CNTLN: variants seen among roughly 807,000 people sequenced by gnomAD.
CNTLN encodes centlein.
A neutral mutation model predicts 180.0 loss-of-function variants in CNTLN; 212 were observed. The ratio of observed to expected loss-of-function variants is 1.18; its 90% CI spans 1.05 to 1.32. The LOEUF (loss-of-function observed/expected upper bound fraction) is 1.32, where lower values mean the gene tolerates loss of function less well. Among genes scored for constraint, CNTLN ranks in the 40% most tolerant of loss-of-function variants. The pLI, the probability that CNTLN is intolerant of heterozygous loss-of-function variation, is 0.00. For missense variants in CNTLN, 2,095 were observed against 1,610.9 expected (o/e 1.30, Z -5.14); for synonymous variants, 722 against 563.1 (o/e 1.28, Z -3.99).
chr9:17,455,200 A>G (rs1831043752), intron 18 of CNTLN, among the ~76,000 whole-genome samples: 1 of 152,252 alleles, frequency 6.6e-6, no homozygotes, highest in East Asian at 1.9e-4. Context: ...AAGGTTTCCA[A>G]ACTGATGGAA....
chr9:17,323,241 C>T (rs1228458536), intron 8 of CNTLN, among the ~76,000 whole-genome samples: 2 of 152,050 alleles, frequency 1.3e-5, no homozygotes, highest in Non-Finnish European at 2.9e-5. Flanking sequence ...GGCAATATGG[C>T]TCGCAATTTG....
intron 2 of CNTLN, among the ~76,000 whole-genome samples, chr9:17,205,747 G>A (rs572149389): frequency 6.6e-6 from 1 of 152,202 alleles, no homozygotes; most frequent in East Asian, 1.9e-4. Flanking sequence ...AAGAGGTTTG[G>A]GGAAAACAAT....
intron 2 of CNTLN, among the ~76,000 whole-genome samples, chr9:17,211,008 C>G (rs554224558): frequency 1.3e-4 from 20 of 152,238 alleles, no homozygotes; most frequent in African/African-American, 4.8e-4. Context: ...TGCAGTTTGC[C>G]TGTTCGCTCT....
intron 2 of CNTLN, among the ~76,000 whole-genome samples, chr9:17,192,628 A>C (rs1821862989): frequency 6.6e-6 from 1 of 152,184 alleles, no homozygotes; most frequent in South Asian, 2.1e-4. Context: ...AGAGCTAATG[A>C]ATGGTGGAGT....
At chr9:17,293,869 C>T (rs962486178) in intron 6 of CNTLN, among the ~76,000 whole-genome samples, 7 of 151,984 alleles carry the variant, frequency 4.6e-5, no homozygotes, top group South Asian at 2.1e-4. Flanking sequence ...GGCATGGGCT[C>T]ATTGGGGGAC....
chr9:17,374,336 A>T (rs567883864), intron 13 of CNTLN, among the ~76,000 whole-genome samples: 1 of 152,222 alleles, frequency 6.6e-6, no homozygotes, highest in Non-Finnish European at 1.5e-5. Flanking sequence ...AAAAGAAGAC[A>T]TACCATTTGC....
chr9:17,361,379 T>C (rs1337167673), intron 12 of CNTLN, among the ~76,000 whole-genome samples: 1 of 152,204 alleles, frequency 6.6e-6, no homozygotes, highest in Non-Finnish European at 1.5e-5. Context: ...CTCTATTGAA[T>C]GCCTCTGATG....
intron 23 of CNTLN, among the ~76,000 whole-genome samples, chr9:17,477,452 C>A (rs927174488): frequency 6.6e-6 from 1 of 152,080 alleles, no homozygotes; most frequent in African/African-American, 2.4e-5. Flanking sequence ...AATGGGAAAC[C>A]TTCTGGAAAG....
intron 2 of CNTLN, among the ~76,000 whole-genome samples, chr9:17,187,201 T>C (rs1821482930): frequency 6.6e-6 from 1 of 152,140 alleles, no homozygotes; most frequent in South Asian, 2.1e-4. Context: ...CTAATTATTA[T>C]AAATTTCCTA....
chr9:17,158,198 A>G (rs1232080412), intron 2 of CNTLN, among the ~76,000 whole-genome samples: 1 of 152,174 alleles, frequency 6.6e-6, no homozygotes, highest in Non-Finnish European at 1.5e-5. Flanking sequence ...GATGTAGTAC[A>G]TAAATTGATT....
chr9:17,312,286 T>C lies in CNTLN; in HGVS notation c.1341+3034T>C, dbSNP rs1819183156. Among the ~76,000 whole-genome samples the C allele has an allele frequency of 2.0e-5, 3 of 148,650 alleles. No homozygotes were observed. In the Admixed American group the frequency reaches 2.0e-4, roughly 10 times the overall value. On this transcript the variant is annotated intron_variant, in intron 8 of 25. Coordinates refer to ENST00000380647, the MANE Select transcript of CNTLN (RefSeq NM_017738.4). ...TGTGTGTTTCCTGTTTTATTGTTACTGACTTCTAATCTACTTCCATTGTGG... is the reference window on the plus strand; with the variant it reads ...TGTGTGTTTCCTGTTTTATTGTTACCGACTTCTAATCTACTTCCATTGTGG...
At chr9:17,298,716 T>C in intron 7 of CNTLN, 1 of 993,764 alleles carries the variant, frequency 1.0e-6, no homozygotes, top group Non-Finnish European at 1.2e-6. Flanking sequence ...TGGCAGACTT[T>C]CATTGTAAAA....
chr9:17,169,533 G>A (rs1047334797), intron 2 of CNTLN, among the ~76,000 whole-genome samples: 1 of 152,126 alleles, frequency 6.6e-6, no homozygotes, highest in African/African-American at 2.4e-5. Flanking sequence ...GTGATTTCAA[G>A]TCTTAGGATT....
chr9:17,473,438 A>T (rs1832140296), intron 23 of CNTLN, among the ~76,000 whole-genome samples: 1 of 152,002 alleles, frequency 6.6e-6, no homozygotes, highest in South Asian at 2.1e-4. Context: ...AACCATCTGC[A>T]TGCCCGTCTA....
At chr9:17,179,980 T>A (rs1587028910) in intron 2 of CNTLN, among the ~76,000 whole-genome samples, 1 of 152,108 alleles carries the variant, frequency 6.6e-6, no homozygotes, top group South Asian at 2.1e-4. Context: ...AATGTTAATA[T>A]AACCACTCTT....
intron 6 of CNTLN, among the ~76,000 whole-genome samples, chr9:17,295,342 C>G (rs937844695): frequency 1.3e-5 from 2 of 152,200 alleles, no homozygotes; most frequent in South Asian, 4.1e-4. Flanking sequence ...GCCAAGGTGG[C>G]GCGGAGAGCG....
intron 3 of CNTLN, among the ~76,000 whole-genome samples, chr9:17,228,725 C>T (rs77079673): frequency 0.049 from 7,387 of 152,006 alleles, 241 homozygotes; most frequent in East Asian, 0.18. Context: ...TAGTCAGGTC[C>T]ACTGACATGG....
intron 18 of CNTLN, among the ~76,000 whole-genome samples, chr9:17,445,729 A>G (rs1269481644): frequency 1.3e-5 from 2 of 152,190 alleles, no homozygotes; most frequent in Admixed American, 1.3e-4. Context: ...AGTCTGAAAT[A>G]TGGCCTCGTG....
At chr9:17,280,445 A>G (rs1271124701) in intron 6 of CNTLN, among the ~76,000 whole-genome samples, 1 of 151,858 alleles carries the variant, frequency 6.6e-6, no homozygotes, top group African/African-American at 2.4e-5. Context: ...CTTTTTTATT[A>G]TCTTTTTCAT....
Sources: gnomAD v4.1 joint callset for allele counts (sites outside exome capture counted in the v4.1 genomes callset) on GRCh38, gnomAD v4.1.1 for gene constraint, MANE v1.5 for transcripts, NCBI Gene and HGNC (gene_info 2026-07-23, HGNC 2026-07-21) for gene names.